The following GPC5 variants were observed in gnomAD, a reference collection of about 807,000 sequenced individuals.
The protein encoded by GPC5 is glypican 5.
A neutral mutation model predicts 53.9 loss-of-function variants in GPC5; 47 were observed. The observed-to-expected ratio is 0.87, with a 90% confidence interval of 0.69 to 1.11. The LOEUF is 1.11. Among genes scored for constraint, GPC5 ranks in the 50% most tolerant of loss-of-function variants. The pLI is 0.00. For missense variants in GPC5, 748 were observed against 713.1 expected, an observed-to-expected ratio of 1.05 and a Z score of -0.56; for synonymous variants, 286 against 263.3, an observed-to-expected ratio of 1.09 and a Z score of -0.84.
chr13:91,442,938 A>G lies in GPC5; in HGVS notation c.164-5823A>G, dbSNP rs370220280. ...TATTTACTGGTACAGTTCATATCCA[A>G]AAGGAAGGATACCTATTTGCTTCTT... is the stretch of plus-strand genomic sequence containing the variant. On this transcript the variant is annotated intron_variant, in intron 1 of 7. Transcript: ENST00000377067. Among the ~76,000 whole-genome samples, 13 of 152,294 alleles carry G rather than the reference A, an allele frequency of 8.5e-5. No homozygotes were observed. The East Asian group carries it at 2.5e-3, about 29-fold the overall frequency.
chr13:91,797,333 G>T (rs369498266), intron 5 of GPC5, among the ~76,000 whole-genome samples: 2 of 151,994 alleles, frequency 1.3e-5, no homozygotes, highest in African/African-American at 2.4e-5. Context: ...AAAAAGTAGT[G>T]GCATTTTTGT....
At chr13:91,577,679 C>G (rs1198421523) in intron 2 of GPC5, among the ~76,000 whole-genome samples, 1 of 152,136 alleles carries the variant, frequency 6.6e-6, no homozygotes, top group Non-Finnish European at 1.5e-5. Flanking sequence ...AAATGGCACT[C>G]TAAGGGCTGT....
At chr13:92,079,559 C>A (rs1266108466) in intron 6 of GPC5, among the ~76,000 whole-genome samples, 2 of 152,210 alleles carry the variant, frequency 1.3e-5, no homozygotes, top group Non-Finnish European at 1.5e-5. Context: ...AGTGGATTAA[C>A]TCAGTGTCTG....
chr13:91,924,210 A>G (rs1414517056), intron 6 of GPC5, among the ~76,000 whole-genome samples: 1 of 152,180 alleles, frequency 6.6e-6, no homozygotes, highest in African/African-American at 2.4e-5. Flanking sequence ...AAACATATCA[A>G]AGCAAGTTAT....
chr13:92,468,498 G>A (rs1878788043), intron 7 of GPC5, among the ~76,000 whole-genome samples: 1 of 152,104 alleles, frequency 6.6e-6, no homozygotes, highest in South Asian at 2.1e-4. Flanking sequence ...AAATAGACAT[G>A]AGCTGGGGAT....
intron 7 of GPC5, among the ~76,000 whole-genome samples, chr13:92,402,899 A>G (rs1875623980): frequency 6.6e-6 from 1 of 152,188 alleles, no homozygotes; most frequent in Non-Finnish European, 1.5e-5. Context: ...ACTCAATGCA[A>G]GTTTTGAGAT....
chr13:91,486,341 G>C, intron 2 of GPC5: 1 of 152,136 alleles, frequency 6.6e-6, no homozygotes, highest in East Asian at 1.9e-4. Flanking sequence ...CTGTAAGCCA[G>C]ATTGCTTCTT....
intron 7 of GPC5, among the ~76,000 whole-genome samples, chr13:92,742,510 A>C (rs1191738515): frequency 2.0e-5 from 3 of 146,910 alleles, no homozygotes; most frequent in Non-Finnish European, 4.5e-5. Context: ...GATTGCAAAA[A>C]TTTTCTCCCA....
chr13:92,074,674 T>C (rs1394654841), intron 6 of GPC5, among the ~76,000 whole-genome samples: 1 of 152,226 alleles, frequency 6.6e-6, no homozygotes, highest in Non-Finnish European at 1.5e-5. Context: ...ATGACCCATC[T>C]TAAGAAGTTC....
chr13:91,571,776 C>CACACATATACGTGTGTGTATATAT (rs1566515126), intron 2 of GPC5, among the ~76,000 whole-genome samples: 40 of 82,130 alleles, frequency 4.9e-4, no homozygotes, highest in African/African-American at 2.8e-3. Context: ...TGTGTATATA[C>CACACATATACGTGTGTGTATATAT]ACACACATAT....
chr13:91,853,475 T>G (rs1274516501), intron 5 of GPC5, among the ~76,000 whole-genome samples: 2 of 152,010 alleles, frequency 1.3e-5, no homozygotes, highest in African/African-American at 4.8e-5. Flanking sequence ...GACTTTATGA[T>G]GGGATTACAG....
Position 91,693,696 on chromosome 13 carries a change from C to A in GPC5, c.835C>A (p.Arg279=), listed in dbSNP as rs184809659. 6.2e-7 allele frequency: 1 copy of A among 1,614,130 alleles called. No homozygotes were observed. The highest frequency in any genetic ancestry group is 8.5e-7 in the Non-Finnish European group (1 of 1,180,006). Residue 279 remains arginine, a synonymous_variant, in exon 3 of 8, where the codon CGA becomes AGA. Transcript: ENST00000377067. ...TATGGGATACTGCCTCAATGTCATG[C>A]GAGGCTGCCTGGCGCACATGGCGGA... ...PCMGYCLNVM[R]GCLAHMAELN...
At chr13:91,658,167 G>A (rs2034893384) in intron 2 of GPC5, among the ~76,000 whole-genome samples, 1 of 152,096 alleles carries the variant, frequency 6.6e-6, no homozygotes, top group Admixed American at 6.6e-5. Flanking sequence ...AATCAGATCT[G>A]AAAGCAAAAC....
At chr13:91,861,964 C>T (rs916303100) in intron 5 of GPC5, among the ~76,000 whole-genome samples, 5 of 151,162 alleles carry the variant, frequency 3.3e-5, no homozygotes, top group Admixed American at 6.6e-5. Flanking sequence ...TCCTTTATTC[C>T]CTCTATGTCC....
At chr13:91,940,008 A>G (rs572789806) in intron 6 of GPC5, among the ~76,000 whole-genome samples, 24 of 152,198 alleles carry the variant, frequency 1.6e-4, no homozygotes, top group Non-Finnish European at 3.1e-4. Context: ...TATCCAACCT[A>G]GATTCCACTC....
At chr13:91,706,938 A>G (rs1176737460) in intron 3 of GPC5, among the ~76,000 whole-genome samples, 1 of 152,192 alleles carries the variant, frequency 6.6e-6, no homozygotes, top group Non-Finnish European at 1.5e-5. Flanking sequence ...AAAACATCAT[A>G]GAAATAAATA....
At chr13:91,846,738 A>G (rs1331977229) in intron 5 of GPC5, among the ~76,000 whole-genome samples, 1 of 152,166 alleles carries the variant, frequency 6.6e-6, no homozygotes, top group Non-Finnish European at 1.5e-5. Context: ...TTCTTTCATC[A>G]GATTGGCCAG....
intron 6 of GPC5, among the ~76,000 whole-genome samples, chr13:92,005,210 C>T (rs2040595507): frequency 6.6e-6 from 1 of 152,168 alleles, no homozygotes; most frequent in African/African-American, 2.4e-5. Context: ...ATTTTCCCTC[C>T]CTGGCTTACA....
chr13:92,603,606 A>C (rs1210519221), intron 7 of GPC5, among the ~76,000 whole-genome samples: 2 of 152,194 alleles, frequency 1.3e-5, no homozygotes, highest in East Asian at 3.8e-4. Flanking sequence ...TATGGGCTGG[A>C]TAGATCTCTT....
Sources: gnomAD v4.1 joint callset for allele counts (sites outside exome capture counted in the v4.1 genomes callset) on GRCh38, gnomAD v4.1.1 for gene constraint, MANE v1.5 for transcripts, NCBI Gene and HGNC (gene_info 2026-07-23, HGNC 2026-07-21) for gene names.